SORBS2: variants seen among roughly 807,000 people sequenced by gnomAD.
The protein encoded by SORBS2 is sorbin and SH3 domain containing 2.
In SORBS2, 46 loss-of-function variants were observed where a neutral mutation model predicts 97.7. The observed-to-expected ratio is 0.47, with a 90% confidence interval of 0.37 to 0.60. The LOEUF (loss-of-function observed/expected upper bound fraction) is 0.60. Ranked by LOEUF, SORBS2 falls within the 20% of genes least tolerant of loss-of-function variation. The probability of loss-of-function intolerance (pLI) is 0.00; values close to 1 mark genes in which losing one functional copy is unlikely to be tolerated. For missense variants in SORBS2, 1,316 were observed against 1,282.3 expected (o/e 1.03, Z -0.40); for synonymous variants, 476 against 473.4 (o/e 1.01, Z -0.07).
intron 1 of SORBS2, among the ~76,000 whole-genome samples, chr4:185,949,301 G>A (rs917328560): frequency 1.3e-5 from 2 of 152,226 alleles, no homozygotes; most frequent in South Asian, 2.1e-4. Context: ...GGTACACCCA[G>A]TATTGAATCT....
Position 185,641,060 on chromosome 4 carries a change from A to T in SORBS2, c.396+5608T>A, listed in dbSNP as rs535989647. ...TAAGACTTGTTAGCTATGTAGCTTC[A>T]CTTTGACTCCCACATTAAGAAAATA... On this transcript the variant is annotated intron_variant, in intron 4 of 14. Coordinates refer to ENST00000418609, the Ensembl canonical transcript of SORBS2. Among the ~76,000 whole-genome samples, 4 of 152,310 alleles carry T rather than the reference A, an allele frequency of 2.6e-5. No individual in the cohort carries two copies. In the South Asian group the frequency reaches 8.3e-4, roughly 32 times the overall value.
At chr4:185,847,005 C>A (rs7673810) in intron 1 of SORBS2, among the ~76,000 whole-genome samples, 10,619 of 152,236 alleles carry the variant, frequency 0.07, 468 homozygotes, top group East Asian at 0.13. Flanking sequence ...TGGGGCCATG[C>A]TCCCTGGGGA....
chr4:185,730,252 A>G (rs921980700), intron 2 of SORBS2, among the ~76,000 whole-genome samples: 7 of 152,080 alleles, frequency 4.6e-5, no homozygotes, highest in African/African-American at 1.7e-4. Context: ...TGCAAGTACA[A>G]GGTACAAACC....
At chr4:185,932,000 C>A (rs79633776) in intron 1 of SORBS2, among the ~76,000 whole-genome samples, 6,165 of 149,940 alleles carry the variant, frequency 0.041, 130 homozygotes, top group South Asian at 0.074. Flanking sequence ...CTCTCTCTCT[C>A]TCTATATATA....
rs764332305 is a variant in SORBS2 at position 185,685,316 on chromosome 4, G to T, written c.-197-6494C>A. On this transcript the variant is annotated intron_variant, in intron 2 of 20. Coordinates refer to the SORBS2 transcript ENST00000284776. ...TCTTCTAGCTGTTATAATTCCCAAA[G>T]AGAGCTTGAATAATTCTTGCAGTAA... Among the ~76,000 whole-genome samples, 11 of 152,106 alleles carry T rather than the reference G, an allele frequency of 7.2e-5. 1 individual carries two copies. Among genetic ancestry groups the T allele is most frequent in the Non-Finnish European group, 1.0e-4 (7 of 68,032 alleles).
chr4:185,846,659 G>A (rs949118045), intron 1 of SORBS2, among the ~76,000 whole-genome samples: 3 of 152,206 alleles, frequency 2.0e-5, no homozygotes, highest in Admixed American at 6.5e-5. Flanking sequence ...AGCCTGAAGC[G>A]AGACTGAGAT....
intron 2 of SORBS2, among the ~76,000 whole-genome samples, chr4:185,704,561 C>A (rs2098312986): frequency 6.6e-6 from 1 of 152,054 alleles, no homozygotes; most frequent in Non-Finnish European, 1.5e-5. Flanking sequence ...TCAGGTGATC[C>A]ACCCCCCTCG....
chr4:185,600,041 G>T (rs190540977), intron 12 of SORBS2, among the ~76,000 whole-genome samples: 1 of 152,202 alleles, frequency 6.6e-6, no homozygotes, highest in Non-Finnish European at 1.5e-5. Flanking sequence ...CACATATCTC[G>T]CTTTTTACGT....
intron 12 of SORBS2, among the ~76,000 whole-genome samples, chr4:185,600,405 C>G (rs2096233514): frequency 6.6e-6 from 1 of 152,198 alleles, no homozygotes; most frequent in Admixed American, 6.5e-5. Flanking sequence ...ATGGCACAGT[C>G]TCGGCTCACT....
At chr4:185,834,663 A>C (rs1444713729) in intron 1 of SORBS2, among the ~76,000 whole-genome samples, 1 of 152,148 alleles carries the variant, frequency 6.6e-6, no homozygotes, top group Non-Finnish European at 1.5e-5. Context: ...ATTTAAAATA[A>C]TTAATTCCTA....
intron 1 of SORBS2, among the ~76,000 whole-genome samples, chr4:185,810,550 A>C (rs1370323079): frequency 1.3e-5 from 2 of 152,222 alleles, no homozygotes; most frequent in Non-Finnish European, 2.9e-5. Context: ...AAATATTTTC[A>C]ATAGTATTAT....
At chr4:185,603,258 G>A (rs2096312109) in intron 12 of SORBS2, among the ~76,000 whole-genome samples, 1 of 143,450 alleles carries the variant, frequency 7.0e-6, no homozygotes, top group South Asian at 2.1e-4. Context: ...TAAAAAAAAA[G>A]ACAAGAAATA....
chr4:185,753,336 G>C (rs1050191384), intron 2 of SORBS2, among the ~76,000 whole-genome samples: 10 of 152,210 alleles, frequency 6.6e-5, no homozygotes, highest in Non-Finnish European at 1.3e-4. Context: ...GATGCGGCTA[G>C]AAAGTTACTG....
chr4:185,879,171 C>CCCA (rs1554045444), intron 1 of SORBS2, among the ~76,000 whole-genome samples: 1 of 77,196 alleles, frequency 1.3e-5, no homozygotes, highest in African/African-American at 4.9e-5. Context: ...TCCCTCCCCC[C>CCCA]CCCCCACCCC....
At chr4:185,783,138 T>C (rs57144668) in intron 1 of SORBS2, among the ~76,000 whole-genome samples, 92,583 of 152,120 alleles carry the variant, frequency 0.61, 29,950 homozygotes, top group Non-Finnish European at 0.74. Flanking sequence ...TTGAAACTCA[T>C]GACGGTGAAG....
At chr4:185,664,149 C>T (rs1009970639) in intron 4 of SORBS2, among the ~76,000 whole-genome samples, 1 of 152,008 alleles carries the variant, frequency 6.6e-6, no homozygotes, top group South Asian at 2.1e-4. Flanking sequence ...CCACCGCGCC[C>T]GGCCTAGATT....
chr4:185,595,366 T>C (rs891268867), intron 12 of SORBS2, among the ~76,000 whole-genome samples: 1 of 152,206 alleles, frequency 6.6e-6, no homozygotes, highest in Non-Finnish European at 1.5e-5. Flanking sequence ...GTATCTATTA[T>C]TAAAATTGGA....
intron 5 of SORBS2, among the ~76,000 whole-genome samples, chr4:185,629,002 G>A (rs2096862738): frequency 6.6e-6 from 1 of 152,214 alleles, no homozygotes; most frequent in Admixed American, 6.5e-5. Context: ...AATAGCAACA[G>A]CAGCAACCCC....
chr4:185,852,229 C>T (rs1410795970), intron 1 of SORBS2, among the ~76,000 whole-genome samples: 1 of 152,192 alleles, frequency 6.6e-6, no homozygotes, highest in Middle Eastern at 3.2e-3. Flanking sequence ...TTCTAACACA[C>T]CCTCTGTTAA....
Sources: allele counts gnomAD v4.1 joint callset (sites outside exome capture counted in the v4.1 genomes callset), GRCh38; gene constraint gnomAD v4.1.1; transcripts MANE v1.5; gene names NCBI Gene and HGNC (gene_info 2026-07-23, HGNC 2026-07-21).